The following SCFD2 variants were observed in gnomAD, a reference collection of about 807,000 sequenced individuals.
SCFD2 encodes sec1 family domain containing 2.
In SCFD2, 54 loss-of-function variants were observed where a neutral mutation model predicts 58.9. The observed-to-expected ratio is 0.92, with a 90% CI of 0.74 to 1.15. The LOEUF is 1.15. Ranked by LOEUF, SCFD2 falls within the 50% of genes most tolerant of loss-of-function variation. The probability of loss-of-function intolerance (pLI) is 0.00; values close to 1 mark genes in which losing one functional copy is unlikely to be tolerated. For missense variants in SCFD2, 805 were observed against 836.6 expected (o/e 0.96, Z 0.47); for synonymous variants, 321 against 335.9 (o/e 0.96, Z 0.49).
chr4:53,130,108 A>T (rs1244259509), intron 5 of SCFD2, among the ~76,000 whole-genome samples: 1 of 152,216 alleles, frequency 6.6e-6, no homozygotes, highest in Non-Finnish European at 1.5e-5. Flanking sequence ...AAAAATTTTT[A>T]AAAATAACTA....
At chr4:52,934,113 C>T (rs191344793) in intron 5 of SCFD2, among the ~76,000 whole-genome samples, 21 of 151,970 alleles carry the variant, frequency 1.4e-4, no homozygotes, top group African/African-American at 4.1e-4. Context: ...GGACTAAGAC[C>T]GAAAAAAATG....
intron 5 of SCFD2, among the ~76,000 whole-genome samples, chr4:53,063,461 G>A (rs1329760338): frequency 6.6e-6 from 1 of 152,076 alleles, no homozygotes; most frequent in Admixed American, 6.6e-5. Flanking sequence ...ATAAAAAGGG[G>A]AGGAAGGAGA....
intron 5 of SCFD2, among the ~76,000 whole-genome samples, chr4:53,130,329 G>A (rs1725751448): frequency 6.6e-6 from 1 of 152,194 alleles, no homozygotes; most frequent in Non-Finnish European, 1.5e-5. Flanking sequence ...AGATGTCAGT[G>A]ACATTTTCAT....
intron 5 of SCFD2, among the ~76,000 whole-genome samples, chr4:53,034,052 C>T (rs534727289): frequency 1.6e-4 from 25 of 152,056 alleles, no homozygotes; most frequent in Non-Finnish European, 2.4e-4. Context: ...AACATCGATG[C>T]GAAAATCCTC....
At chr4:53,179,482 A>T (rs1727466374) in intron 4 of SCFD2, among the ~76,000 whole-genome samples, 1 of 152,236 alleles carries the variant, frequency 6.6e-6, no homozygotes, top group Non-Finnish European at 1.5e-5. Flanking sequence ...GGCCAGTCCT[A>T]AAAGAGCTCC....
chr4:53,016,669 G>C (rs1722221153), intron 5 of SCFD2, among the ~76,000 whole-genome samples: 1 of 152,152 alleles, frequency 6.6e-6, no homozygotes, highest in Non-Finnish European at 1.5e-5. Context: ...CTAATTAGAA[G>C]ACAGGTGAAA....
At chr4:52,986,889 A>C (rs1560502579) in intron 5 of SCFD2, among the ~76,000 whole-genome samples, 1 of 152,176 alleles carries the variant, frequency 6.6e-6, no homozygotes, top group Non-Finnish European at 1.5e-5. Context: ...TAAGATTCTA[A>C]GCCATATGAT....
At chr4:53,250,212 A>C (rs1730305848) in intron 4 of SCFD2, among the ~76,000 whole-genome samples, 1 of 152,266 alleles carries the variant, frequency 6.6e-6, no homozygotes. Flanking sequence ...GAAGGCCGTT[A>C]CATAATGCTA....
intron 4 of SCFD2, among the ~76,000 whole-genome samples, chr4:53,248,813 A>G (rs1305445912): frequency 6.6e-6 from 1 of 152,230 alleles, no homozygotes; most frequent in Non-Finnish European, 1.5e-5. Context: ...GTACATCACC[A>G]TCATCAAAGA....
chr4:53,095,547 T>C (rs1724597765), intron 5 of SCFD2, among the ~76,000 whole-genome samples: 1 of 152,128 alleles, frequency 6.6e-6, no homozygotes, highest in South Asian at 2.1e-4. Flanking sequence ...ACTCCCCTCT[T>C]CAGTATCTTC....
intron 5 of SCFD2, among the ~76,000 whole-genome samples, chr4:53,053,225 A>T (rs1308000892): frequency 6.6e-6 from 1 of 151,556 alleles, no homozygotes; most frequent in African/African-American, 2.4e-5. Flanking sequence ...ACCGTCTCAA[A>T]AAAAAAAAAA....
chr4:53,105,375 G>C (rs1177471327), intron 5 of SCFD2, among the ~76,000 whole-genome samples: 1 of 151,154 alleles, frequency 6.6e-6, no homozygotes, highest in Non-Finnish European at 1.5e-5. Context: ...AAGCCAGGGA[G>C]CCAAGTGGTC....
At chr4:53,348,690 A>T (rs1215653182) in intron 2 of SCFD2, among the ~76,000 whole-genome samples, 4 of 150,570 alleles carry the variant, frequency 2.7e-5, no homozygotes, top group Non-Finnish European at 5.9e-5. Flanking sequence ...ATATCCCTCT[A>T]GACTCATCTT....
intron 4 of SCFD2, among the ~76,000 whole-genome samples, chr4:53,212,717 G>T (rs1252127432): frequency 1.3e-5 from 2 of 151,414 alleles, no homozygotes; most frequent in Non-Finnish European, 1.5e-5. Context: ...TAAAATTTTA[G>T]AGTAGTTGTT....
chr4:53,162,648 G>C (rs1168722243), intron 4 of SCFD2, among the ~76,000 whole-genome samples: 1 of 149,612 alleles, frequency 6.7e-6, no homozygotes, highest in Non-Finnish European at 1.5e-5. Flanking sequence ...GTGTGAGATG[G>C]TATCTCATTG....
intron 4 of SCFD2, among the ~76,000 whole-genome samples, chr4:53,238,375 C>T (rs1486827187): frequency 7.4e-6 from 1 of 135,544 alleles, no homozygotes; most frequent in Non-Finnish European, 1.6e-5. Flanking sequence ...ACCTCCCTCC[C>T]GGACAGGGCG....
intron 5 of SCFD2, among the ~76,000 whole-genome samples, chr4:53,053,410 AG>A (rs1723238294): frequency 6.6e-6 from 1 of 152,116 alleles, no homozygotes; most frequent in African/African-American, 2.4e-5. Context: ...CCACCTTAGT[AG>A]ATAAGTGATA....
At chr4:53,202,724 C>T (rs1412739129) in intron 4 of SCFD2, among the ~76,000 whole-genome samples, 1 of 152,034 alleles carries the variant, frequency 6.6e-6, no homozygotes, top group African/African-American at 2.4e-5. Context: ...TGTAGTTCTC[C>T]TTAAAGAGGT....
Position 53,082,889 on chromosome 4 carries a change from T to C in SCFD2, c.1561+62444A>G, listed in dbSNP as rs558638583. On this transcript the variant is annotated intron_variant, in intron 5 of 8. Transcript: ENST00000401642. ...ACTAGAATTATACCACTAGCTTTCA[T>C]GGGCCTCCAGTTTAAGACAATAGAT... 1.3e-4 allele frequency among the ~76,000 whole-genome samples: 20 copies of C among 152,286 alleles called. No homozygotes were observed. In the East Asian group the frequency reaches 1.4e-3, roughly 10 times the overall value.
Sources: gnomAD v4.1 joint callset for allele counts (sites outside exome capture counted in the v4.1 genomes callset) on GRCh38, gnomAD v4.1.1 for gene constraint, MANE v1.5 for transcripts, NCBI Gene and HGNC (gene_info 2026-07-23, HGNC 2026-07-21) for gene names.